Variants in HEMK2 observed in about 807,000 individuals in gnomAD.
HEMK2 encodes the protein methyltransferase HEMK2.
At chr21:28,777,146 T>G in the HEMK2 span, among the ~76,000 whole-genome samples, 1 of 152,358 alleles carries the variant, frequency 6.6e-6, no homozygotes, top group East Asian at 1.9e-4. Context: ...AGTCACAGAC[T>G]ATCCAATTTG....
At chr21:28,615,006 T>C in the HEMK2 span, among the ~76,000 whole-genome samples, 1 of 152,152 alleles carries the variant, frequency 6.6e-6, no homozygotes, top group Non-Finnish European at 1.5e-5. Context: ...GAATGCCTCT[T>C]CTTGTCTACA....
the HEMK2 span, among the ~76,000 whole-genome samples, chr21:28,581,903 G>T: frequency 3.3e-5 from 5 of 152,310 alleles, no homozygotes; most frequent in South Asian, 1.0e-3. Flanking sequence ...TAAAAGGGGG[G>T]AAAATGTTTA....
the HEMK2 span, among the ~76,000 whole-genome samples, chr21:28,815,069 T>A: frequency 2.0e-5 from 3 of 152,110 alleles, no homozygotes; most frequent in Non-Finnish European, 4.4e-5. Context: ...GATGAGTTCA[T>A]GTCCTTTGTA....
the HEMK2 span, among the ~76,000 whole-genome samples, chr21:28,847,006 T>C: frequency 6.6e-6 from 1 of 152,210 alleles, no homozygotes; most frequent in East Asian, 1.9e-4. Flanking sequence ...GTGGTATATA[T>C]GTACCATATT....
the HEMK2 span, among the ~76,000 whole-genome samples, chr21:28,741,817 G>T: frequency 5.0e-4 from 76 of 152,266 alleles, no homozygotes; most frequent in Non-Finnish European, 1.0e-3. Flanking sequence ...GGGCATTTAG[G>T]TTGACTCCAT....
chr21:28,661,098 A>AT, the HEMK2 span, among the ~76,000 whole-genome samples: 2 of 151,906 alleles, frequency 1.3e-5, no homozygotes, highest in African/African-American at 4.8e-5. Context: ...TGCCTTCTCT[A>AT]TTTTTTCCTC....
chr21:28,689,838 C>T, the HEMK2 span, among the ~76,000 whole-genome samples: 11 of 151,960 alleles, frequency 7.2e-5, no homozygotes, highest in Non-Finnish European at 5.9e-5. Flanking sequence ...AGATTCAAAA[C>T]GAAAAAGGGA....
the HEMK2 span, among the ~76,000 whole-genome samples, chr21:28,593,247 G>A: frequency 2.6e-5 from 4 of 152,072 alleles, no homozygotes; most frequent in Non-Finnish European, 4.4e-5. Flanking sequence ...TTTGTATAAG[G>A]TGCATATAAA....
At chr21:28,719,398 A>G in the HEMK2 span, among the ~76,000 whole-genome samples, 1 of 152,154 alleles carries the variant, frequency 6.6e-6, no homozygotes, top group African/African-American at 2.4e-5. Context: ...GTGGTAGTGA[A>G]TAAGTCTCAC....
At chr21:28,865,558 T>C in the HEMK2 span, among the ~76,000 whole-genome samples, 1 of 152,184 alleles carries the variant, frequency 6.6e-6, no homozygotes, top group African/African-American at 2.4e-5. Context: ...TTTCCCATAA[T>C]TTGTGAGCAC....
the HEMK2 span, among the ~76,000 whole-genome samples, chr21:28,672,537 G>A: frequency 2.6e-5 from 4 of 152,070 alleles, no homozygotes; most frequent in African/African-American, 4.8e-5. Context: ...TGCAAGTTTT[G>A]GGGCCTGAGC....
the HEMK2 span, among the ~76,000 whole-genome samples, chr21:28,668,189 C>G: frequency 0.2 from 30,242 of 152,136 alleles, 3,226 homozygotes; most frequent in East Asian, 0.38. Flanking sequence ...TGAAATCTAA[C>G]AGAAATGTGG....
chr21:28,881,083 A>G, the HEMK2 span, among the ~76,000 whole-genome samples: 3 of 152,214 alleles, frequency 2.0e-5, no homozygotes, highest in Admixed American at 2.0e-4. Flanking sequence ...TTTGACATAT[A>G]TAAATTAAAA....
chr21:28,735,012 T>C, the HEMK2 span, among the ~76,000 whole-genome samples: 1,214 of 152,278 alleles, frequency 8.0e-3, 11 homozygotes, highest in Non-Finnish European at 0.011. Context: ...TTCTGGAAGT[T>C]GGCCAGCTTC....
chr21:28,724,016 G>T, the HEMK2 span, among the ~76,000 whole-genome samples: 1 of 152,148 alleles, frequency 6.6e-6, no homozygotes, highest in Non-Finnish European at 1.5e-5. Context: ...ATTAAGAGTT[G>T]CTTTCATCTT....
At chr21:28,755,717 G>A in the HEMK2 span, among the ~76,000 whole-genome samples, 2 of 152,284 alleles carry the variant, frequency 1.3e-5, no homozygotes, top group East Asian at 3.9e-4. Flanking sequence ...GTTACTCAGT[G>A]CTCACTGTCT....
chr21:28,681,171 A>G, the HEMK2 span, among the ~76,000 whole-genome samples: 1 of 152,170 alleles, frequency 6.6e-6, no homozygotes, highest in African/African-American at 2.4e-5. Context: ...TCAGCCCAAA[A>G]TCTCCTTAAG....
At chr21:28,713,139 G>C in the HEMK2 span, among the ~76,000 whole-genome samples, 1 of 152,096 alleles carries the variant, frequency 6.6e-6, no homozygotes, top group South Asian at 2.1e-4. Flanking sequence ...CAGGATTCAT[G>C]CTTAGCACCT....
chr21:28,660,111 G>GC, the HEMK2 span, among the ~76,000 whole-genome samples: 1 of 151,332 alleles, frequency 6.6e-6, no homozygotes, highest in Admixed American at 6.6e-5. Context: ...TCTTTCATTT[G>GC]TTTTTTTCTA....
Sources: allele counts gnomAD v4.1 joint callset (sites outside exome capture counted in the v4.1 genomes callset), GRCh38; gene constraint gnomAD v4.1.1; transcripts MANE v1.5; gene names NCBI Gene and HGNC (gene_info 2026-07-23, HGNC 2026-07-21).